HNRNPR: variants seen among roughly 807,000 people sequenced by gnomAD.
The protein encoded by HNRNPR is heterogeneous nuclear ribonucleoprotein R.
HNRNPR carries 4 observed loss-of-function variants against 70.3 expected under a neutral mutation model. That is an observed-to-expected ratio of 0.06 (90% CI 0.03 to 0.13). The LOEUF (loss-of-function observed/expected upper bound fraction) is 0.13. Ranked by LOEUF, HNRNPR falls within the 10% of genes least tolerant of loss-of-function variation. HNRNPR has a pLI of 1.00. For synonymous variants in HNRNPR, 241 were observed against 267.6 expected (o/e 0.90, Z 0.97); for missense variants, 423 against 788.5 (o/e 0.54, Z 5.55).
intron 9 of HNRNPR, among the ~76,000 whole-genome samples, chr1:23,312,955 T>A (rs1645392029): frequency 6.6e-6 from 1 of 152,094 alleles, no homozygotes; most frequent in Non-Finnish European, 1.5e-5. Context: ...AGAAAGCAGG[T>A]TTTGTGTTCC....
intron 8 of HNRNPR, among the ~76,000 whole-genome samples, chr1:23,314,705 AAT>A (rs559005990): frequency 2.6e-5 from 4 of 152,216 alleles, no homozygotes; most frequent in Non-Finnish European, 5.9e-5. Flanking sequence ...TTTTGTCAAG[AAT>A]GAGGAAAATA....
chr1:23,342,903 T>A (rs1020416476), intron 1 of HNRNPR, among the ~76,000 whole-genome samples: 5 of 152,242 alleles, frequency 3.3e-5, no homozygotes, highest in African/African-American at 1.2e-4. Context: ...GCAAAGGCTC[T>A]ACAAGTTGAT....
chr1:23,338,132 T>A, intron 3 of HNRNPR: 1 of 348,112 alleles, frequency 2.9e-6, no homozygotes, highest in East Asian at 4.9e-5. Flanking sequence ...CTTTGCCAGA[T>A]GTCGGAAACT....
At chr1:23,327,682 T>A (rs572577717) in intron 5 of HNRNPR, among the ~76,000 whole-genome samples, 3 of 150,752 alleles carry the variant, frequency 2.0e-5, no homozygotes, top group East Asian at 1.9e-4. Flanking sequence ...AGAGTGAGAC[T>A]CTGTCTTAAA....
In HNRNPR at chr1:23,342,639, A is replaced by AT. The variant is rs1025938073; in HGVS notation, c.-10+1571dup. On this transcript the variant is annotated intron_variant, in intron 1 of 10. Transcript: ENST00000302271. ...TAAAACACAAAATCTCCTTGCGAAC[A>AT]TAAGGTTCTGTTTTCCCATGCTCCC... 4.3e-4 allele frequency among the ~76,000 whole-genome samples: 65 copies of AT among 152,294 alleles called. No individual in the cohort carries two copies. The Middle Eastern group carries it at 0.014, about 32-fold the overall frequency.
chr1:23,328,811 G>A (rs1007645699), intron 5 of HNRNPR, among the ~76,000 whole-genome samples: 1 of 152,058 alleles, frequency 6.6e-6, no homozygotes, highest in Admixed American at 6.6e-5. Flanking sequence ...AGTTTCTTAA[G>A]CAATGAGTCT....
chr1:23,334,964 C>CTGGA (rs1347869689), intron 4 of HNRNPR, among the ~76,000 whole-genome samples: 15 of 151,950 alleles, frequency 9.9e-5, no homozygotes, highest in Admixed American at 9.8e-4. Context: ...GTCGCTCAGG[C>CTGGA]TGGAGTGCAG....
At chr1:23,333,943 T>G (rs558001111) in intron 4 of HNRNPR, among the ~76,000 whole-genome samples, 20 of 152,314 alleles carry the variant, frequency 1.3e-4, no homozygotes, top group African/African-American at 4.8e-4. Context: ...AGATGGAGTC[T>G]TGCTCTGTTG....
intron 5 of HNRNPR, among the ~76,000 whole-genome samples, chr1:23,331,833 TTAA>T (rs1646239456): frequency 7.3e-5 from 1 of 13,694 alleles, no homozygotes; most frequent in African/African-American, 1.4e-4. Flanking sequence ...GACTGTTTCT[TTAA>T]AAAAAAAAAA....
intron 1 of HNRNPR, among the ~76,000 whole-genome samples, 171 bp downstream of exon 1, chr1:23,344,040 T>C (rs1646816261): frequency 6.6e-6 from 1 of 151,926 alleles, no homozygotes; most frequent in South Asian, 2.1e-4. Context: ...TCGGCCGGGC[T>C]AGGCCCACAG....
At chr1:23,317,434 G>C (rs1048242016) in intron 8 of HNRNPR, among the ~76,000 whole-genome samples, 4 of 151,762 alleles carry the variant, frequency 2.6e-5, no homozygotes, top group Non-Finnish European at 4.4e-5. Flanking sequence ...CTCCAGCCTG[G>C]GACAAAGCAA....
chr1:23,322,282 C>T (rs1000176590), intron 6 of HNRNPR, among the ~76,000 whole-genome samples: 3 of 151,662 alleles, frequency 2.0e-5, no homozygotes, highest in Non-Finnish European at 2.9e-5. Context: ...GTCATCCAAG[C>T]TGGAGGGCAG....
chr1:23,319,387 CCTAT>C (rs951192365), intron 7 of HNRNPR, among the ~76,000 whole-genome samples: 1 of 152,178 alleles, frequency 6.6e-6, no homozygotes, highest in African/African-American at 2.4e-5. Context: ...CCCTAGACTT[CCTAT>C]CTAATAAACA....
intron 5 of HNRNPR, among the ~76,000 whole-genome samples, chr1:23,325,425 C>T (rs1437920992): frequency 6.6e-6 from 1 of 152,154 alleles, no homozygotes; most frequent in Non-Finnish European, 1.5e-5. Context: ...ACTTTCACTG[C>T]TATCTGGTAA....
chr1:23,311,909 A>G (rs1645350756), intron 9 of HNRNPR: 2 of 152,440 alleles, frequency 1.3e-5, no homozygotes, highest in African/African-American at 4.8e-5. Context: ...TTGAACAGTT[A>G]AAAGTACAGA....
chr1:23,333,170 G>A (rs908268937), intron 5 of HNRNPR, among the ~76,000 whole-genome samples: 2 of 151,990 alleles, frequency 1.3e-5, no homozygotes, highest in Non-Finnish European at 2.9e-5. Flanking sequence ...CAACAAGAGC[G>A]AAACTCCATC....
chr1:23,326,688 G>A (rs1204093772), intron 5 of HNRNPR, among the ~76,000 whole-genome samples: 1 of 152,178 alleles, frequency 6.6e-6, no homozygotes, highest in Non-Finnish European at 1.5e-5. Flanking sequence ...GGGAGGCTGA[G>A]GCAGGATAAT....
rs541900668 is a variant in HNRNPR, at chr1:23,316,108, A to G, written c.1017+2375T>C. Among the ~76,000 whole-genome samples the G allele has an allele frequency of 4.1e-4, 63 of 152,350 alleles. 3 individuals are homozygous for G. In the South Asian group the frequency reaches 0.012, roughly 30 times the overall value. On this transcript the variant is annotated intron_variant, in intron 8 of 10. Transcript: ENST00000302271. ...AATCTTCAGTGAATTGTAAATTGAT[A>G]GTGTGAATAACAGAAGCTTTACTCA... is the stretch of plus-strand genomic sequence containing the variant.
chr1:23,313,840 A>T (rs867310212), intron 8 of HNRNPR, 138 bp from the exon 9 acceptor site: 4 of 962,648 alleles, frequency 4.2e-6, no homozygotes, highest in African/African-American at 1.7e-5. Context: ...AGTAAGAGAA[A>T]TTGCTAGGAA....
Sources: gnomAD v4.1 joint callset for allele counts (sites outside exome capture counted in the v4.1 genomes callset) on GRCh38, gnomAD v4.1.1 for gene constraint, MANE v1.5 for transcripts, NCBI Gene and HGNC (gene_info 2026-07-23, HGNC 2026-07-21) for gene names.